Variants in C1QC observed in about 807,000 individuals in gnomAD.
C1QC encodes complement C1q C chain, also known as complement C1q subcomponent subunit C.
A neutral mutation model predicts 5.9 loss-of-function variants in C1QC; 4 were observed. That is an observed-to-expected ratio of 0.68 (90% CI 0.33 to 1.55). The LOEUF is 1.55. Among genes scored for constraint, C1QC ranks in the 40% most tolerant of loss-of-function variants. The pLI, the probability that C1QC is intolerant of heterozygous loss-of-function variation, is 0.06. For synonymous variants in C1QC, 166 were observed against 153.8 expected (o/e 1.08, Z -0.59); for missense variants, 299 against 326.9 (o/e 0.91, Z 0.66).
intron 2 of C1QC, among the ~76,000 whole-genome samples, chr1:22,646,314 C>A (rs1164126460): frequency 6.6e-6 from 1 of 152,180 alleles, no homozygotes; most frequent in East Asian, 1.9e-4. Context: ...CCTGGGGAAT[C>A]CATCTCAGGA....
chr1:22,647,864 C>A lies in C1QC; in HGVS notation c.*81C>A. 6.4e-7 allele frequency: 1 copy of A among 1,569,458 alleles called. No individual in the cohort carries two copies. Among genetic ancestry groups the A allele is most frequent in the Non-Finnish European group, 8.6e-7 (1 of 1,159,424 alleles). ...TGGACCCACCTTACTGGCCAGTCTG[C>A]ATCCTTGCCTAGACCATTCTCCCCA... On this transcript the variant is annotated 3_prime_UTR_variant, in exon 3 of 3. Coordinates refer to ENST00000374640, the MANE Select transcript of C1QC (RefSeq NM_172369.5).
At position 22,647,657 on chromosome 1, in the gene C1QC, G is replaced by C; in HGVS notation, c.612G>C (p.Ser204=). 6.2e-7 allele frequency: 1 copy of C among 1,612,804 alleles called. No homozygotes were observed. The highest frequency in any genetic ancestry group is 2.2e-5 in the East Asian group (1 of 44,862). The change falls in exon 3 of 3, where the codon TCG becomes TCC. Residue 204 remains serine, a synonymous_variant. Coordinates refer to ENST00000374640, the MANE Select transcript of C1QC (RefSeq NM_172369.5). The stretch of plus-strand genomic sequence containing the variant: ...CGTCCAAAACCAATCAGGTCAACTC[G>C]GGCGGTGTGCTGCTGAGGTTGCAGG... The part of the protein sequence containing the change: ...GHTSKTNQVN[S]GGVLLRLQVG...
rs748111761 is a variant in C1QC, at chr1:22,647,720, C to T, written c.675C>T (p.Tyr225=). The T allele has an allele frequency of 1.6e-5, 26 of 1,602,230 alleles. No individual in the cohort carries two copies. The highest frequency in any genetic ancestry group is 9.9e-5 in the South Asian group (9 of 91,084). The change falls in exon 3 of 3, where the codon TAC becomes TAT. Residue 225 remains tyrosine (Y), a synonymous_variant. Transcript: ENST00000374640. ...EEVWLAVNDY[Y]DMVGIQGSDS... The stretch of plus-strand genomic sequence containing the variant: ...TGTGGCTGGCTGTCAATGACTACTA[C>T]GACATGGTGGGCATCCAGGGCTCTG...
In C1QC at chr1:22,647,584, T is replaced by C; in HGVS notation, c.539T>C (p.Val180Ala). ...YHASHTANLC[V>A]LLYRSGVKVV... ...GCGTCGCATACAGCCAACCTGTGCG[T>C]GCTGCTGTACCGCAGCGGCGTCAAA... Residue 180 changes from valine to alanine, a missense_variant, in exon 3 of 3, where the codon GTG becomes GCG. Transcript: ENST00000374640. 6.2e-7 allele frequency: 1 copy of C among 1,614,246 alleles called. No homozygotes were observed. Among genetic ancestry groups the C allele is most frequent in the African/African-American group, 1.3e-5 (1 of 75,070 alleles).
rs1038892355 is a variant in C1QC at position 22,644,255 on chromosome 1, G to A, written c.181+51G>A. ...GTTTGGGTCTGGGGCAGGGATCAGA[G>A]TGTCTGTCTGGGGCTGACCAAGGGG... is the stretch of plus-strand genomic sequence containing the variant. On this transcript the variant is annotated intron_variant, in intron 2 of 2. Transcript: ENST00000374640. 4 of 1,508,498 alleles carry A rather than the reference G, an allele frequency of 2.7e-6. No homozygotes were observed. In the East Asian group the frequency reaches 7.4e-5, roughly 28 times the overall value. 93.4% of individuals were successfully genotyped at this position (1,508,498 alleles called of 1,614,324 possible).
rs1364487762 is a variant in C1QC, at chr1:22,647,569, C to G, written c.524C>G (p.Thr175Arg). Residue 175 changes from threonine to arginine, a missense_variant, in exon 3 of 3, where the codon ACA (threonine) becomes AGA (arginine). By Grantham distance (71) the Thr-to-Arg change is moderately conservative. Transcript: ENST00000374640. ...TACTTTGTCTACCACGCGTCGCATA[C>G]AGCCAACCTGTGCGTGCTGCTGTAC... ...LYYFVYHASH[T>R]ANLCVLLYRS... 1.2e-6 allele frequency: 2 copies of G among 1,614,248 alleles called. No homozygotes were observed. Among genetic ancestry groups the G allele is most frequent in the Non-Finnish European group, 1.7e-6 (2 of 1,180,044 alleles).
In C1QC at chr1:22,644,080, G is replaced by C; in HGVS notation, c.57G>C (p.Leu19=). 1 of 1,575,956 alleles carries C rather than the reference G, an allele frequency of 6.3e-7. No individual in the cohort carries two copies. The highest frequency in any genetic ancestry group is 8.6e-7 in the Non-Finnish European group (1 of 1,161,588). The part of the protein sequence containing the change: ...PHLGLKLLLL[L]LLLPLRGQAN... ...TTGGGCTGAAGCTGCTGCTGCTCCT[G>C]CTGCTGCTGCCCCTCAGGGGCCAAG... Residue 19 remains leucine, a synonymous_variant, in exon 2 of 3, where the codon CTG becomes CTC. Coordinates refer to ENST00000374640, the MANE Select transcript of C1QC (RefSeq NM_172369.5).
chr1:22,645,644 C>A (rs1039750129), intron 2 of C1QC, among the ~76,000 whole-genome samples: 4 of 152,340 alleles, frequency 2.6e-5, no homozygotes, highest in African/African-American at 9.6e-5. Flanking sequence ...ATCACGAGGA[C>A]CAGACACTCC....
In C1QC at chr1:22,647,865, A is replaced by C. The variant is rs1642403907; in HGVS notation, c.*82A>C. On this transcript the variant is annotated 3_prime_UTR_variant, in exon 3 of 3. Transcript: ENST00000374640. ...GGACCCACCTTACTGGCCAGTCTGC[A>C]TCCTTGCCTAGACCATTCTCCCCAC... The C allele has an allele frequency of 6.4e-7, 1 of 1,567,888 alleles. No individual in the cohort carries two copies.
At chr1:22,645,020 G>C (rs906981971) in intron 2 of C1QC, among the ~76,000 whole-genome samples, 2 of 152,208 alleles carry the variant, frequency 1.3e-5, no homozygotes, top group East Asian at 3.9e-4. Context: ...AGCTGGGCAC[G>C]TCTCAGATGC....
chr1:22,646,315 C>A (rs1389365872), intron 2 of C1QC, among the ~76,000 whole-genome samples: 1 of 152,154 alleles, frequency 6.6e-6, no homozygotes, highest in Non-Finnish European at 1.5e-5. Flanking sequence ...CTGGGGAATC[C>A]ATCTCAGGAG....
Position 22,647,609 on chromosome 1 carries a change from A to G in C1QC, c.564A>G (p.Lys188=). The change falls in exon 3 of 3, where the codon AAA becomes AAG. Residue 188 remains lysine, a synonymous_variant. Transcript: ENST00000374640. ...LCVLLYRSGV[K]VVTFCGHTSK... The stretch of plus-strand genomic sequence containing the variant: ...TGCTGCTGTACCGCAGCGGCGTCAA[A>G]GTGGTCACCTTCTGTGGCCACACGT... The G allele has an allele frequency of 6.2e-7, 1 of 1,614,234 alleles. No individual in the cohort carries two copies. The highest frequency in any genetic ancestry group is 1.1e-5 in the South Asian group (1 of 91,088).
In C1QC at chr1:22,648,106, A is replaced by C. The variant is rs1426062505; in HGVS notation, c.*323A>C. 5.3e-6 allele frequency: 2 copies of C among 376,022 alleles called. No homozygotes were observed. Among genetic ancestry groups the C allele is most frequent in the Non-Finnish European group, 9.7e-6 (2 of 205,618 alleles). The allele number at this position is 376,022 out of a possible 1,614,324, so 23.3% of individuals were successfully genotyped here. Reference sequence around the variant, plus strand: ...TATATAAATAAATCATGAAATCAATACATATGCCTGGCTCAGATTCCTCAT... The same window carrying C: ...TATATAAATAAATCATGAAATCAATCCATATGCCTGGCTCAGATTCCTCAT... On this transcript the variant is annotated 3_prime_UTR_variant, in exon 3 of 3. Coordinates refer to ENST00000374640, the MANE Select transcript of C1QC (RefSeq NM_172369.5).
chr1:22,645,683 A>G (rs1354897411), intron 2 of C1QC, among the ~76,000 whole-genome samples: 1 of 152,288 alleles, frequency 6.6e-6, no homozygotes, highest in African/African-American at 2.4e-5. Flanking sequence ...TGTGCCTGGC[A>G]CAGTGCCTGT....
intron 2 of C1QC, among the ~76,000 whole-genome samples, chr1:22,644,628 A>G (rs1642339281): frequency 6.6e-6 from 1 of 152,164 alleles, no homozygotes; most frequent in African/African-American, 2.4e-5. Flanking sequence ...GATTCCCTCT[A>G]TGTGAACCCG....
chr1:22,647,043 ACT>A (rs1642378938), intron 2 of C1QC, among the ~76,000 whole-genome samples, 182 bp from the exon 3 acceptor site: 1 of 150,894 alleles, frequency 6.6e-6, no homozygotes, highest in Admixed American at 6.6e-5. Flanking sequence ...CTTGAACCAG[ACT>A]CTCTCTCTCC....
rs1426952650 is a variant in C1QC at position 22,647,310 on chromosome 1, C to A, written c.265C>A (p.Pro89Thr). 1.2e-6 allele frequency: 2 copies of A among 1,613,772 alleles called. No individual in the cohort carries two copies. Among genetic ancestry groups the A allele is most frequent in the Admixed American group, 1.7e-5 (1 of 60,010 alleles). The change falls in exon 3 of 3, where the codon CCC (proline) becomes ACC (threonine). Residue 89 changes from proline to threonine, a missense_variant. By Grantham distance (38) the Pro-to-Thr change is conservative. Around this residue, in one of 3 missense-constraint regions of C1QC, gnomAD observed 146 missense variants for 144.1 expected, o/e 1.01. Transcript: ENST00000374640. Reference protein sequence around the residue: ...GLPGHPGKNGPMGPPGMPGVP... With the variant: ...GLPGHPGKNGTMGPPGMPGVP... ...ACCCGGCCATCCTGGGAAAAATGGC[C>A]CCATGGGACCCCCTGGGATGCCAGG...
In C1QC at chr1:22,645,670, T is replaced by C. The variant is rs1277258899; in HGVS notation, c.181+1466T>C. On this transcript the variant is annotated intron_variant, in intron 2 of 2. Transcript: ENST00000374640. ...CAGACACTCCAGAGCACGCTTCCTA[T>C]GGTGTGCCTGGCACAGTGCCTGTCC... Among the ~76,000 whole-genome samples, 3 of 152,212 alleles carry C rather than the reference T, an allele frequency of 2.0e-5. No individual in the cohort carries two copies. In the East Asian group the frequency reaches 5.8e-4, roughly 29 times the overall value.
At position 22,647,336 on chromosome 1, in the gene C1QC, G is replaced by A. The variant is rs1395468025; in HGVS notation, c.291G>A (p.Gly97=). The change falls in exon 3 of 3, where the codon GGG becomes GGA. Residue 97 remains glycine, a synonymous_variant. Coordinates refer to ENST00000374640, the MANE Select transcript of C1QC (RefSeq NM_172369.5). ...CCATGGGACCCCCTGGGATGCCAGG[G>A]GTGCCCGGCCCCATGGGCATCCCTG... ...NGPMGPPGMP[G]VPGPMGIPGE... 2 of 1,613,964 alleles carry A rather than the reference G, an allele frequency of 1.2e-6. No individual in the cohort carries two copies. The highest frequency in any genetic ancestry group is 8.5e-7 in the Non-Finnish European group (1 of 1,179,974).
Sources: allele counts gnomAD v4.1 joint callset (sites outside exome capture counted in the v4.1 genomes callset), GRCh38; gene constraint gnomAD v4.1.1; regional missense constraint gnomAD v4.1.1; transcripts MANE v1.5; gene names NCBI Gene and HGNC (gene_info 2026-07-23, HGNC 2026-07-21).